The following TIAM1 variants were observed in gnomAD, a reference collection of about 807,000 sequenced individuals.
TIAM1 encodes the protein rho guanine nucleotide exchange factor TIAM1.
Under a neutral mutation model 163.5 loss-of-function variants are expected in TIAM1, and 65 were observed. The ratio of observed to expected loss-of-function variants is 0.40; its 90% CI spans 0.33 to 0.49. The LOEUF is 0.49. TIAM1 is among the 20% of genes least tolerant of loss of function. The pLI, the probability that TIAM1 is intolerant of heterozygous loss-of-function variation, is 0.77. For missense variants in TIAM1, 1,789 were observed against 2,044.7 expected (o/e 0.87, Z 2.41); for synonymous variants, 833 against 810.1 (o/e 1.03, Z -0.48).
intron 14 of TIAM1, 53 bp from the exon 15 acceptor site, chr21:31,182,698 A>C: frequency 6.5e-7 from 1 of 1,545,984 alleles, no homozygotes; most frequent in Non-Finnish European, 8.8e-7. Flanking sequence ...TCAGAACACA[A>C]CAGCTTAGGA....
At chr21:31,275,863 C>T (rs1046065212) in intron 3 of TIAM1, among the ~76,000 whole-genome samples, 1 of 152,128 alleles carries the variant, frequency 6.6e-6, no homozygotes, top group East Asian at 1.9e-4. Flanking sequence ...GAAATCTGAC[C>T]ATAAGGCATT....
At chr21:31,490,113 T>C (rs1298751484) in intron 1 of TIAM1, among the ~76,000 whole-genome samples, 1 of 152,224 alleles carries the variant, frequency 6.6e-6, no homozygotes, top group Non-Finnish European at 1.5e-5. Flanking sequence ...CATAAAAACC[T>C]ACTGTATGCA....
At chr21:31,178,303 CTTT>C (rs10671534) in intron 15 of TIAM1, among the ~76,000 whole-genome samples, 5 of 96,090 alleles carry the variant, frequency 5.2e-5, no homozygotes, top group African/African-American at 8.0e-5. Context: ...TTCAGGAATT[CTTT>C]TTTTTTTTTT....
intron 2 of TIAM1, among the ~76,000 whole-genome samples, chr21:31,312,889 G>A (rs999265843): frequency 4.6e-5 from 7 of 152,212 alleles, no homozygotes; most frequent in South Asian, 2.1e-4. Context: ...GAAAAAAGGC[G>A]AATGAAAGAG....
chr21:31,120,548 G>T lies in TIAM1; in HGVS notation c.4596C>A (p.Ser1532=), dbSNP rs750614378. The change falls in exon 28 of 28, where the codon TCC becomes TCA. Residue 1532 remains serine (S), a synonymous_variant. Transcript: ENST00000541036. This position sits in a 1 kb window ranked among gnomAD's most constrained non-coding sequence, Gnocchi z 4.2. ...TCCGGCCTCTTTCCCGCTGACTGAT[G>T]GAGGTGGCCTGAAGCCGCTCCTGCA... ...RDLQERLQAT[S]ISQRERGRKT... 3.1e-6 allele frequency: 5 copies of T among 1,614,194 alleles called. No individual in the cohort carries two copies. The South Asian group carries it at 5.5e-5, about 18-fold the overall frequency.
At chr21:31,295,437 T>A (rs1417536692) in intron 2 of TIAM1, among the ~76,000 whole-genome samples, 1 of 129,618 alleles carries the variant, frequency 7.7e-6, no homozygotes, top group Non-Finnish European at 1.5e-5. Flanking sequence ...GCCACTGCAT[T>A]CCAGCCTGGG....
chr21:31,437,224 C>A (rs969574954), intron 2 of TIAM1, among the ~76,000 whole-genome samples: 13 of 152,230 alleles, frequency 8.5e-5, no homozygotes, highest in Admixed American at 6.5e-4. Flanking sequence ...CTTAAACATA[C>A]TCCCATGTCA....
chr21:31,167,989 G>A (rs556062318), intron 15 of TIAM1, among the ~76,000 whole-genome samples: 2 of 152,106 alleles, frequency 1.3e-5, no homozygotes, highest in South Asian at 4.2e-4. Context: ...AGAGAAAAGT[G>A]CTCACTGGCA....
At chr21:31,168,575 T>C (rs1412870102) in intron 15 of TIAM1, among the ~76,000 whole-genome samples, 8 of 152,164 alleles carry the variant, frequency 5.3e-5, no homozygotes, top group African/African-American at 1.9e-4. Context: ...TAATTTTTTG[T>C]ATTTTTAGTA....
chr21:31,149,895 CTA>C (rs1356014682), intron 19 of TIAM1, among the ~76,000 whole-genome samples: 3 of 152,094 alleles, frequency 2.0e-5, no homozygotes, highest in Non-Finnish European at 4.4e-5. Context: ...CAAAAATGAA[CTA>C]TATGGAGTAT....
rs140574756 is a variant in TIAM1, at chr21:31,524,493, A to G, written c.-422+34434T>C. Among the ~76,000 whole-genome samples the G allele has an allele frequency of 2.5e-3, 382 of 152,288 alleles. 3 individuals carry two copies. Among genetic ancestry groups the G allele is most frequent in the Middle Eastern group, 6.8e-3 (2 of 294 alleles). On this transcript the variant is annotated intron_variant, in intron 1 of 28. Transcript: ENST00000286827. ...AGAGATTTGGAGGGGACATCCAACT[A>G]TATTAGCTAGTGAATCCCAGAACCT...
Position 31,266,108 on chromosome 21 carries a change from G to A in TIAM1, c.865C>T (p.Leu289Phe), listed in dbSNP as rs758225885. 2.5e-6 allele frequency: 4 copies of A among 1,614,230 alleles called. No homozygotes were observed. The East Asian group carries it at 8.9e-5, about 36-fold the overall frequency. The change falls in exon 4 of 28, where the codon CTT becomes TTT. Residue 289 changes from leucine to phenylalanine, a missense_variant. This residue lies in a region of TIAM1 where 555 missense variants were observed against 564.9 expected (regional missense o/e 0.98). Coordinates refer to ENST00000541036, the MANE Select transcript of TIAM1 (RefSeq NM_001353694.2). ...AGACAGTGAGATTTCCTACAGGGAAGTGTGTTATAATTACTGTACGGAGGA... is the reference window on the plus strand; with the variant it reads ...AGACAGTGAGATTTCCTACAGGGAAATGTGTTATAATTACTGTACGGAGGA... ...ETPPYSNYNTLPCRKSHCLSE... is the reference protein window; with the variant it reads ...ETPPYSNYNTFPCRKSHCLSE...
At chr21:31,345,186 A>T (rs1452329713), upstream of TIAM1, among the ~76,000 whole-genome samples, 2 of 152,216 alleles carry the variant, frequency 1.3e-5, no homozygotes, top group Non-Finnish European at 2.9e-5. Flanking sequence ...GGGTTGAAGC[A>T]TTCATGGATG....
At chr21:31,193,607 T>C (rs531498589) in intron 13 of TIAM1, among the ~76,000 whole-genome samples, 48 of 152,280 alleles carry the variant, frequency 3.2e-4, no homozygotes, top group African/African-American at 1.1e-3. Flanking sequence ...TGATTTTGCT[T>C]TGTGTTGATA....
chr21:31,501,639 G>A (rs1394792767), intron 1 of TIAM1, among the ~76,000 whole-genome samples: 1 of 152,162 alleles, frequency 6.6e-6, no homozygotes, highest in African/African-American at 2.4e-5. Context: ...GTCTCGCTCT[G>A]TTGCCCAGGC....
chr21:31,234,673 CG>C (rs1318900775), intron 6 of TIAM1, among the ~76,000 whole-genome samples: 2 of 151,862 alleles, frequency 1.3e-5, no homozygotes, highest in East Asian at 3.9e-4. Flanking sequence ...CCCAGATATT[CG>C]AGAGGCTGAG....
At chr21:31,124,242 G>T in intron 27 of TIAM1, 1 of 337,794 alleles carries the variant, frequency 3.0e-6, no homozygotes, top group Non-Finnish European at 5.3e-6. Context: ...TCTGCAACCC[G>T]ACTTGGCAAA....
chr21:31,410,969 C>T (rs1288016408), intron 2 of TIAM1, among the ~76,000 whole-genome samples: 1 of 152,172 alleles, frequency 6.6e-6, no homozygotes, highest in African/African-American at 2.4e-5. Flanking sequence ...CCCTGAAAAA[C>T]ATTCCATGTT....
rs1175000187 is a variant in TIAM1 at position 31,489,445 on chromosome 21, G to A, written c.-421-25410C>T. On this transcript the variant is annotated intron_variant, in intron 1 of 28. Transcript: ENST00000286827. The stretch of plus-strand genomic sequence containing the variant: ...ACAAGAGAAGAACAAGAAGCAGGAG[G>A]AGAAGAAAGAAAGAGAAAGAAAGTG... 3.6e-5 allele frequency among the ~76,000 whole-genome samples: 5 copies of A among 138,344 alleles called. No homozygotes were observed. The East Asian group carries it at 1.1e-3, about 30-fold the overall frequency. The allele number at this position is 138,344 out of a possible 152,430, so 90.8% of individuals were successfully genotyped here.
Sources: gnomAD v4.1 joint callset for allele counts (sites outside exome capture counted in the v4.1 genomes callset) on GRCh38, gnomAD v4.1.1 for gene constraint, gnomAD v4.1.1 regional missense constraint, Gnocchi (gnomAD v3.1) non-coding constraint, MANE v1.5 for transcripts, NCBI Gene and HGNC (gene_info 2026-07-23, HGNC 2026-07-21) for gene names.